Variants in GRB14 observed in about 807,000 individuals in gnomAD.
GRB14 encodes growth factor receptor bound protein 14, also known as growth factor receptor-bound protein 14.
In GRB14, 38 loss-of-function variants were observed where a neutral mutation model predicts 69.1. The ratio of observed to expected loss-of-function variants is 0.55; its 90% confidence interval spans 0.42 to 0.72. The LOEUF is 0.72. Ranked by LOEUF, GRB14 falls within the 30% of genes least tolerant of loss-of-function variation. The pLI, the probability that GRB14 is intolerant of heterozygous loss-of-function variation, is 0.00. For synonymous variants in GRB14, 247 were observed against 241.3 expected, an observed-to-expected ratio of 1.02 and a Z score of -0.22; for missense variants, 666 against 666.1, an observed-to-expected ratio of 1.00 and a Z score of 0.00.
chr2:164,520,475 A>C (rs1350176668), intron 6 of GRB14, among the ~76,000 whole-genome samples: 1 of 152,134 alleles, frequency 6.6e-6, no homozygotes, highest in Non-Finnish European at 1.5e-5. Context: ...AGAACCCAAA[A>C]TCAAATGAAA....
intron 5 of GRB14, among the ~76,000 whole-genome samples, chr2:164,523,277 T>C (rs1297175449): frequency 6.6e-6 from 1 of 152,102 alleles, no homozygotes; most frequent in Non-Finnish European, 1.5e-5. Context: ...AGGCTTGGAA[T>C]AGTTTGTTAC....
At chr2:164,572,906 C>T (rs1025908794) in intron 2 of GRB14, among the ~76,000 whole-genome samples, 3 of 152,194 alleles carry the variant, frequency 2.0e-5, no homozygotes, top group Non-Finnish European at 4.4e-5. Flanking sequence ...CAAAATACAA[C>T]TTGCACTGTC....
intron 2 of GRB14, chr2:164,574,160 ATGAGC>A (rs1342934289): frequency 8.0e-6 from 5 of 622,698 alleles, no homozygotes; most frequent in Non-Finnish European, 1.4e-5. Context: ...TTTACAGTTG[ATGAGC>A]TGATCTGATC....
At chr2:164,513,833 A>C (rs1451897) in intron 6 of GRB14, among the ~76,000 whole-genome samples, 15,887 of 152,246 alleles carry the variant, frequency 0.1, 962 homozygotes, top group Middle Eastern at 0.17. Flanking sequence ...TAGATGCATG[A>C]AAATAGAATA....
chr2:164,571,334 T>C, intron 2 of GRB14, among the ~76,000 whole-genome samples: 1 of 152,310 alleles, frequency 6.6e-6, no homozygotes, highest in Admixed American at 6.5e-5. Context: ...GAAATCAAGT[T>C]TGCAGAAGGC....
chr2:164,558,666 A>G (rs762732072), intron 2 of GRB14, among the ~76,000 whole-genome samples: 31 of 152,226 alleles, frequency 2.0e-4, no homozygotes, highest in Non-Finnish European at 3.1e-4. Context: ...ACCACTGGCC[A>G]TGCTTATGTT....
At position 164,493,026 on chromosome 2, in the gene GRB14, T is replaced by G; in HGVS notation, c.*10A>C. On this transcript the variant is annotated 3_prime_UTR_variant, in exon 14 of 14. Coordinates refer to ENST00000263915, the MANE Select transcript of GRB14 (RefSeq NM_004490.3). Reference sequence around the variant, plus strand: ...TCCTTCAATAGTTTAATAAGTCACTTCTGGCTTGTCTAGAGAGCAATCCTA... The same window carrying G: ...TCCTTCAATAGTTTAATAAGTCACTGCTGGCTTGTCTAGAGAGCAATCCTA... 1.2e-6 allele frequency: 2 copies of G among 1,609,356 alleles called. No homozygotes were observed. The highest frequency in any genetic ancestry group is 1.7e-6 in the Non-Finnish European group (2 of 1,177,858).
At chr2:164,496,926 T>G in intron 12 of GRB14, 82 bp downstream of exon 12, 4 of 1,093,612 alleles carry the variant, frequency 3.7e-6, no homozygotes, top group Non-Finnish European at 5.5e-6. Context: ...TCAAGAACTC[T>G]TTGTGGCTAT....
intron 8 of GRB14, among the ~76,000 whole-genome samples, chr2:164,505,710 T>C (rs1297209127): frequency 2.0e-5 from 3 of 152,212 alleles, no homozygotes; most frequent in Non-Finnish European, 2.9e-5. Flanking sequence ...CATATGTATA[T>C]ACATCTGAGT....
Position 164,535,913 on chromosome 2 carries a change from A to G in GRB14, c.482-8778T>C, listed in dbSNP as rs189433793. Reference sequence around the variant, plus strand: ...GTCTCCAATTAACTCCGACCCAACCATTGGAACTTATATTCAGAGGCAGCC... The same window carrying G: ...GTCTCCAATTAACTCCGACCCAACCGTTGGAACTTATATTCAGAGGCAGCC... On this transcript the variant is annotated intron_variant, in intron 3 of 13. Transcript: ENST00000263915. 1.1e-4 allele frequency among the ~76,000 whole-genome samples: 17 copies of G among 152,300 alleles called. No individual in the cohort carries two copies. In the East Asian group the frequency reaches 3.3e-3, roughly 29 times the overall value.
intron 2 of GRB14, chr2:164,573,869 G>C (rs1689180356): frequency 6.2e-7 from 1 of 1,613,000 alleles, no homozygotes; most frequent in Non-Finnish European, 8.5e-7. Context: ...GATTAGAAAT[G>C]CAAGACTGGA....
intron 3 of GRB14, among the ~76,000 whole-genome samples, chr2:164,527,347 C>G (rs182365892): frequency 6.6e-6 from 1 of 151,178 alleles, no homozygotes; most frequent in African/African-American, 2.4e-5. Flanking sequence ...TACTAATGTT[C>G]ATTTTTATAC....
At chr2:164,539,769 T>G (rs554834868) in intron 3 of GRB14, 1 of 152,162 alleles carries the variant, frequency 6.6e-6, no homozygotes, top group Non-Finnish European at 1.5e-5. Context: ...TCCTTACCTA[T>G]GAGGCCTCAG....
intron 3 of GRB14, among the ~76,000 whole-genome samples, chr2:164,533,394 G>A (rs1323687637): frequency 6.6e-6 from 1 of 151,716 alleles, no homozygotes; most frequent in Non-Finnish European, 1.5e-5. Context: ...CACTGCGCCC[G>A]GCTAATTTTT....
At chr2:164,494,369 A>T in intron 13 of GRB14, 62 bp downstream of exon 13, 1 of 891,584 alleles carries the variant, frequency 1.1e-6, no homozygotes, top group Admixed American at 1.9e-5. Context: ...ATGCATTAAG[A>T]TCAAAAGCTT....
At chr2:164,500,498 G>T (rs1687021943) in intron 9 of GRB14, among the ~76,000 whole-genome samples, 1 of 152,018 alleles carries the variant, frequency 6.6e-6, no homozygotes, top group Non-Finnish European at 1.5e-5. Flanking sequence ...AACAAAGGCT[G>T]GTAAAGAGTA....
At chr2:164,563,862 T>A (rs1277406342) in intron 2 of GRB14, among the ~76,000 whole-genome samples, 1 of 152,158 alleles carries the variant, frequency 6.6e-6, no homozygotes, top group African/African-American at 2.4e-5. Flanking sequence ...AAAAGACAAC[T>A]TTTGGAAACC....
In GRB14 at chr2:164,602,176, AGAAGG is replaced by A. The variant is rs560993037; in HGVS notation, c.324+17506_324+17510del. On this transcript the variant is annotated intron_variant, in intron 2 of 13. Coordinates refer to ENST00000263915, the MANE Select transcript of GRB14 (RefSeq NM_004490.3). ...AGGAGGGAAGGGAAGAGAAGGGAAGAGAAGGGAAGGGAAGGGAAGGGAGGGGAGGG... is the reference window on the plus strand; with the variant it reads ...AGGAGGGAAGGGAAGAGAAGGGAAGAGAAGGGAAGGGAAGGGAGGGGAGGG... Among the ~76,000 whole-genome samples the A allele has an allele frequency of 2.1e-3, 310 of 147,472 alleles. 2 individuals are homozygous for A. The highest frequency in any genetic ancestry group is 3.6e-3 in the Middle Eastern group (1 of 280).
At chr2:164,514,705 G>T (rs537919260) in intron 6 of GRB14, among the ~76,000 whole-genome samples, 2 of 152,076 alleles carry the variant, frequency 1.3e-5, no homozygotes, top group African/African-American at 2.4e-5. Flanking sequence ...GAACCTGGGG[G>T]AGGGGGTGAA....
Sources: allele counts gnomAD v4.1 joint callset (sites outside exome capture counted in the v4.1 genomes callset), GRCh38; gene constraint gnomAD v4.1.1; transcripts MANE v1.5; gene names NCBI Gene and HGNC (gene_info 2026-07-23, HGNC 2026-07-21).